The following TMC5 variants were observed in gnomAD, a reference collection of about 807,000 sequenced individuals.
TMC5 encodes transmembrane channel like 5.
In TMC5, 86 loss-of-function variants were observed where a neutral mutation model predicts 110.5. The ratio of observed to expected loss-of-function variants is 0.78; its 90% CI spans 0.65 to 0.93. TMC5 has a LOEUF of 0.93. Among genes scored for constraint, TMC5 ranks in the 40% least tolerant of loss-of-function variants. The pLI is 0.00. For synonymous variants in TMC5, 455 were observed against 439.5 expected, an observed-to-expected ratio of 1.04 and a Z score of -0.44; for missense variants, 1,144 against 1,222.8, an observed-to-expected ratio of 0.94 and a Z score of 0.96.
intron 3 of TMC5, among the ~76,000 whole-genome samples, chr16:19,442,476 G>A (rs1967511841): frequency 1.3e-5 from 2 of 152,058 alleles, no homozygotes; most frequent in Admixed American, 6.6e-5. Flanking sequence ...TTACAGGCAT[G>A]CACCACCATG....
Position 19,463,296 on chromosome 16 carries a change from G to GA in TMC5, c.1171dup (p.Ser391LysfsTer109). On this transcript the variant is annotated frameshift_variant, in exon 7 of 22. Coordinates refer to ENST00000542583, the MANE Select transcript of TMC5 (RefSeq NM_001261841.2). LOFTEE classifies it high-confidence loss of function. ...TCCCTACAGGAAAATAGTTGACAAAGAAAAAAGCAAACAGACCCATCGTAT... is the reference window on the plus strand; with the variant it reads ...TCCCTACAGGAAAATAGTTGACAAAGAAAAAAAGCAAACAGACCCATCGTAT... 4 of 1,613,818 alleles carry GA rather than the reference G, an allele frequency of 2.5e-6. No homozygotes were observed. Among genetic ancestry groups the GA allele is most frequent in the Non-Finnish European group, 3.4e-6 (4 of 1,179,788 alleles).
chr16:19,440,135 C>G lies in TMC5; in HGVS notation c.97C>G (p.Gln33Glu), dbSNP rs1237254389. ...CCGTACGCAGGGGTATTTGAAAACT[C>G]AAGGTTATCCAGATGTTCCAGGTCC... Reference protein sequence around the residue: ...QNRTQGYLKTQGYPDVPGPLN... With the variant: ...QNRTQGYLKTEGYPDVPGPLN... Residue 33 changes from glutamine (Q) to glutamate (E), a missense_variant, in exon 3 of 22, where the codon CAA becomes GAA. Gln to Glu is a conservative substitution (Grantham distance 29). Transcript: ENST00000542583. The G allele has an allele frequency of 1.9e-6, 3 of 1,614,012 alleles. No individual in the cohort carries two copies. The highest frequency in any genetic ancestry group is 2.7e-5 in the African/African-American group (2 of 74,894).
intron 5 of TMC5, among the ~76,000 whole-genome samples, chr16:19,454,522 T>A (rs990016126): frequency 6.6e-6 from 1 of 152,220 alleles, no homozygotes; most frequent in Non-Finnish European, 1.5e-5. Context: ...ATGGGGTTGA[T>A]TTTAATATCT....
At chr16:19,488,343 C>CG (rs1968804072) in intron 17 of TMC5, among the ~76,000 whole-genome samples, 1 of 152,156 alleles carries the variant, frequency 6.6e-6, no homozygotes, top group Non-Finnish European at 1.5e-5. Flanking sequence ...CCGATGCCCA[C>CG]GGTCAGGAGT....
rs1188584405 is a variant in TMC5 at position 19,444,039 on chromosome 16, T to C, written c.789-42T>C. On this transcript the variant is annotated intron_variant, in intron 3 of 21. Transcript: ENST00000542583. Reference sequence around the variant, plus strand: ...TGGATGGATGGATGACAATCCTTACTATACTCTTGGTTGGATAGTGATCCA... The same window carrying C: ...TGGATGGATGGATGACAATCCTTACCATACTCTTGGTTGGATAGTGATCCA... The C allele has an allele frequency of 3.2e-6, 5 of 1,564,364 alleles. 1 individual carries two copies. The South Asian group carries it at 5.7e-5, about 18-fold the overall frequency.
intron 15 of TMC5, among the ~76,000 whole-genome samples, chr16:19,485,453 C>T (rs959293480): frequency 2.0e-5 from 3 of 152,128 alleles, no homozygotes; most frequent in South Asian, 2.1e-4. Context: ...CCTGCCACCA[C>T]GCCCAGCTAA....
At chr16:19,460,432 A>C in intron 6 of TMC5, 98 bp downstream of exon 6, 2 of 789,892 alleles carry the variant, frequency 2.5e-6, no homozygotes. Context: ...AATAAGCACA[A>C]TAGAAGAGAC....
intron 19 of TMC5, among the ~76,000 whole-genome samples, chr16:19,492,589 G>T (rs1330084745): frequency 6.6e-6 from 1 of 151,954 alleles, no homozygotes; most frequent in African/African-American, 2.4e-5. Context: ...GGAATTACAG[G>T]TGCCTGCCAC....
At chr16:19,439,425 A>G (rs966529983) in intron 2 of TMC5, among the ~76,000 whole-genome samples, 1 of 152,198 alleles carries the variant, frequency 6.6e-6, no homozygotes, top group African/African-American at 2.4e-5. Context: ...CCTTTGGTTC[A>G]CTGGTCCCCT....
At chr16:19,497,210 T>C (rs754861401) in intron 21 of TMC5, 47 bp downstream of exon 21, 1 of 1,565,264 alleles carries the variant, frequency 6.4e-7, no homozygotes, top group Non-Finnish European at 8.8e-7. Context: ...TTATTTCTGG[T>C]GAAATATCCT....
intron 4 of TMC5, among the ~76,000 whole-genome samples, chr16:19,445,289 G>A (rs186615080): frequency 6.6e-6 from 1 of 151,086 alleles, no homozygotes; most frequent in East Asian, 1.9e-4. Context: ...ACAGTGTCCT[G>A]CTCTGTCACC....
At chr16:19,487,364 G>A (rs1968772009) in intron 17 of TMC5, 38 bp downstream of exon 17, 1 of 1,590,424 alleles carries the variant, frequency 6.3e-7, no homozygotes, top group Non-Finnish European at 8.5e-7. Flanking sequence ...TTTAGAGACT[G>A]GGTGGATGGG....
intron 15 of TMC5, among the ~76,000 whole-genome samples, chr16:19,482,803 C>T (rs1402290531): frequency 6.6e-6 from 1 of 152,194 alleles, no homozygotes; most frequent in Non-Finnish European, 1.5e-5. Flanking sequence ...AATATTTTTA[C>T]AAACTCACCT....
chr16:19,450,108 G>A (rs16972023), intron 5 of TMC5, among the ~76,000 whole-genome samples: 10,718 of 152,216 alleles, frequency 0.07, 766 homozygotes, highest in African/African-American at 0.19. Context: ...TGTGGTTACT[G>A]ATGCAGAACC....
At chr16:19,446,083 A>C (rs2143493926) in intron 4 of TMC5, among the ~76,000 whole-genome samples, 1 of 111,140 alleles carries the variant, frequency 9.0e-6, no homozygotes, top group Admixed American at 1.0e-4. Flanking sequence ...AGGGGAGGGG[A>C]AGAGTTGGGG....
rs1184472621 is a variant in TMC5, at chr16:19,466,383, G to A, written c.1637+150G>A. 22 of 882,752 alleles carry A rather than the reference G, an allele frequency of 2.5e-5. No individual in the cohort carries two copies. The South Asian group carries it at 2.8e-4, about 11-fold the overall frequency. The allele number at this position is 882,752 out of a possible 1,614,324, so 54.7% of individuals were successfully genotyped here. A position where few individuals can be genotyped will look rare whatever the true frequency, so the allele number is the denominator to read the frequency against. Reference sequence around the variant, plus strand: ...TCTTTTCTTTCTTAGATAGAGTCTCGCTCTGTCACCCATGCTGGAGTACAG... The same window carrying A: ...TCTTTTCTTTCTTAGATAGAGTCTCACTCTGTCACCCATGCTGGAGTACAG... On this transcript the variant is annotated intron_variant, in intron 9 of 21. Coordinates refer to ENST00000542583, the MANE Select transcript of TMC5 (RefSeq NM_001261841.2).
intron 2 of TMC5, among the ~76,000 whole-genome samples, chr16:19,436,094 T>A (rs1967338261): frequency 6.6e-6 from 1 of 151,684 alleles, no homozygotes; most frequent in South Asian, 2.1e-4. Flanking sequence ...AAACCCCCTC[T>A]CTACTAAAAA....
rs1365360080 is a variant in TMC5 at position 19,481,382 on chromosome 16, G to T, written c.2280G>T (p.Met760Ile). 1.9e-6 allele frequency: 3 copies of T among 1,612,918 alleles called. No individual in the cohort carries two copies. In the East Asian group the frequency reaches 6.7e-5, roughly 36 times the overall value. Residue 760 changes from methionine to isoleucine, a missense_variant, in exon 15 of 22, where the codon ATG becomes ATT. By Grantham distance (10) the Met-to-Ile change is conservative. Transcript: ENST00000542583. The stretch of plus-strand genomic sequence containing the variant: ...TATGTTTTCACAGAATCATTGGGAT[G>T]CAACTGATCACAAGTCTTGGCCTTC... Reference protein sequence around the residue: ...LGEFLRRIIGMQLITSLGLQE... With the variant: ...LGEFLRRIIGIQLITSLGLQE...
At chr16:19,449,382 C>T (rs541649230) in intron 4 of TMC5, among the ~76,000 whole-genome samples, 160 bp from the exon 5 acceptor site, 1 of 152,288 alleles carries the variant, frequency 6.6e-6, no homozygotes, top group South Asian at 2.1e-4. Context: ...GTCCTAGTTT[C>T]CACCCAAGTT....
Sources: gnomAD v4.1 joint callset for allele counts (sites outside exome capture counted in the v4.1 genomes callset) on GRCh38, gnomAD v4.1.1 for gene constraint, MANE v1.5 for transcripts, NCBI Gene and HGNC (gene_info 2026-07-23, HGNC 2026-07-21) for gene names.